PPP1R12C: variants seen among roughly 807,000 people sequenced by gnomAD.
PPP1R12C encodes protein phosphatase 1 regulatory subunit 12C.
PPP1R12C carries 48 observed loss-of-function variants against 95.6 expected under a neutral mutation model. That is an observed-to-expected ratio of 0.50 (90% CI 0.40 to 0.64). The LOEUF (loss-of-function observed/expected upper bound fraction) is 0.64, where lower values mean the gene tolerates loss of function less well. PPP1R12C is among the 30% of genes least tolerant of loss of function. The pLI is 0.00. For missense variants in PPP1R12C, 1,057 were observed against 1,083.3 expected, an observed-to-expected ratio of 0.98 and a Z score of 0.34; for synonymous variants, 480 against 460.8, an observed-to-expected ratio of 1.04 and a Z score of -0.53.
intron 1 of PPP1R12C, chr19:55,114,951 T>C (rs2085137936): frequency 6.6e-6 from 1 of 150,938 alleles, no homozygotes; most frequent in Admixed American, 6.6e-5. Context: ...GGAACCCCTG[T>C]AGGGAAGGGG....
chr19:55,099,202 C>T (rs1294798178), intron 4 of PPP1R12C, 107 bp from the exon 5 acceptor site: 10 of 1,294,324 alleles, frequency 7.7e-6, no homozygotes, highest in South Asian at 3.1e-5. Flanking sequence ...GAGACTGAAA[C>T]GTCCCTGGAC....
chr19:55,105,060 G>A (rs7253188), intron 3 of PPP1R12C, among the ~76,000 whole-genome samples: 22,394 of 147,504 alleles, frequency 0.15, 1,814 homozygotes, highest in East Asian at 0.28. Flanking sequence ...AGGAGCCACC[G>A]CATCTGACCC....
intron 3 of PPP1R12C, among the ~76,000 whole-genome samples, chr19:55,106,658 A>G (rs6509922): frequency 0.079 from 11,997 of 152,148 alleles, 1,530 homozygotes; most frequent in African/African-American, 0.27. Context: ...TCCCTTCTGC[A>G]CAGGACATGG....
intron 3 of PPP1R12C, among the ~76,000 whole-genome samples, chr19:55,110,819 C>T (rs1403888182): frequency 6.7e-6 from 1 of 148,960 alleles, no homozygotes; most frequent in Non-Finnish European, 1.5e-5. Flanking sequence ...TGCAGTGAGC[C>T]GAAATCATGC....
chr19:55,095,554 CCT>C lies in PPP1R12C; in HGVS notation c.1275_1276del (p.Gly426GlufsTer9). The C allele has an allele frequency of 2.5e-6, 4 of 1,593,426 alleles. No homozygotes were observed. Among genetic ancestry groups the C allele is most frequent in the Admixed American group, 1.8e-5 (1 of 56,352 alleles). ...AGGGGGACCCAGGGCACCAGAACTC[CCT>C]GTCTTCAGGAGGCCAAAGCGCCTGG... On this transcript the variant is annotated frameshift_variant, in exon 10 of 22. Coordinates refer to ENST00000263433, the MANE Select transcript of PPP1R12C (RefSeq NM_017607.4). LOFTEE classifies it high-confidence loss of function.
chr19:55,098,768 C>T lies in PPP1R12C; in HGVS notation c.951+16G>A, dbSNP rs764182800. ...CATGGGGAGTCTGGGGTAAGCCCCT[C>T]AGCCCTGACACTCACGTCCTCCTGT... On this transcript the variant is annotated intron_variant, in intron 6 of 21. Transcript: ENST00000263433. 1.9e-6 allele frequency: 3 copies of T among 1,613,326 alleles called. No homozygotes were observed. The highest frequency in any genetic ancestry group is 2.2e-5 in the South Asian group (2 of 91,080).
intron 3 of PPP1R12C, among the ~76,000 whole-genome samples, chr19:55,104,199 T>TATATAC (rs34075382): frequency 1.0e-3 from 120 of 120,038 alleles, no homozygotes; most frequent in East Asian, 2.5e-3. Flanking sequence ...TATATATATA[T>TATATAC]ACACACACAC....
At chr19:55,095,980 A>C (rs561080708) in intron 8 of PPP1R12C, 40 bp from the exon 9 acceptor site, 2 of 1,609,114 alleles carry the variant, frequency 1.2e-6, no homozygotes, top group Non-Finnish European at 1.7e-6. Flanking sequence ...AGAAGATGCC[A>C]GTTGCCTCTA....
Position 55,092,658 on chromosome 19 carries a change from TC to T in PPP1R12C, c.1915del (p.Glu639ArgfsTer63). 1.3e-6 allele frequency: 2 copies of T among 1,516,600 alleles called. No individual in the cohort carries two copies. Among genetic ancestry groups the T allele is most frequent in the Non-Finnish European group, 8.8e-7 (1 of 1,132,354 alleles). 93.9% of individuals were successfully genotyped at this position (1,516,600 alleles called of 1,614,324 possible). On this transcript the variant is annotated frameshift_variant, in exon 17 of 22. Transcript: ENST00000263433. LOFTEE classifies it high-confidence loss of function. The part of the protein sequence containing the change: ...GKEWRGPAEG[E>X]EAEPADRSQE... The stretch of plus-strand genomic sequence containing the variant: ...GCTGCGGTCAGCCGGCTCCGCCTCC[TC>T]CCCCTGTGGGCAGGTAGACGGGGGT...
chr19:55,101,064 C>T (rs1212893853), intron 4 of PPP1R12C, among the ~76,000 whole-genome samples: 1 of 152,024 alleles, frequency 6.6e-6, no homozygotes, highest in African/African-American at 2.4e-5. Flanking sequence ...GCCTGGCCAA[C>T]GTGGCAAAAC....
intron 1 of PPP1R12C, among the ~76,000 whole-genome samples, chr19:55,115,724 G>T (rs1338727611): frequency 6.6e-6 from 1 of 152,232 alleles, no homozygotes; most frequent in African/African-American, 2.4e-5. Context: ...GAAGGAGGAG[G>T]CCTAAGGATG....
chr19:55,094,940 G>A (rs1348635796), intron 11 of PPP1R12C, 142 bp from the exon 12 acceptor site: 23 of 1,000,438 alleles, frequency 2.3e-5, no homozygotes, highest in Non-Finnish European at 3.3e-5. Context: ...ACCCACAAAA[G>A]CCATGAAAAG....
chr19:55,109,099 A>G lies in PPP1R12C; in HGVS notation c.571+3368T>C, dbSNP rs954293463. Among the ~76,000 whole-genome samples, 1 of 152,150 alleles carries G rather than the reference A, an allele frequency of 6.6e-6. No homozygotes were observed. Among genetic ancestry groups the G allele is most frequent in the Non-Finnish European group, 1.5e-5 (1 of 68,030 alleles). ...TGTGAACGATGCTATGAACACGGGTATATAAATTGCCTTTTTTGTTTTGGT... is the reference window on the plus strand; with the variant it reads ...TGTGAACGATGCTATGAACACGGGTGTATAAATTGCCTTTTTTGTTTTGGT... On this transcript the variant is annotated intron_variant, in intron 3 of 21. Transcript: ENST00000263433. The surrounding 1 kb of genome is among the most constrained non-coding windows in gnomAD (Gnocchi z 4.4).
chr19:55,091,673 C>A lies in PPP1R12C; in HGVS notation c.2239G>T (p.Ala747Ser), dbSNP rs768010986. Residue 747 changes from alanine to serine, a missense_variant, in exon 21 of 22, where the codon GCA becomes TCA. This residue lies in a region of PPP1R12C where 347 missense variants were observed against 307.9 expected (regional missense o/e 1.13). Coordinates refer to ENST00000263433, the MANE Select transcript of PPP1R12C (RefSeq NM_017607.4). ...FERRALERKAAELEEELKALS... is the reference protein window; with the variant it reads ...FERRALERKASELEEELKALS... ...ACCTTCAGCTCCTCCTCCAGCTCTG[C>A]GGCCTTGCGTTCCAGGGCCCTGCGC... The A allele has an allele frequency of 6.2e-7, 1 of 1,612,864 alleles. No homozygotes were observed. Among genetic ancestry groups the A allele is most frequent in the Non-Finnish European group, 8.5e-7 (1 of 1,179,696 alleles).
Position 55,093,082 on chromosome 19 carries a change from G to C in PPP1R12C, c.1765-6C>G. 2.5e-6 allele frequency: 4 copies of C among 1,607,550 alleles called. No homozygotes were observed. The highest frequency in any genetic ancestry group is 3.4e-6 in the Non-Finnish European group (4 of 1,178,256). ...CGGGGCCTTCGGGAAGGGTCCTGTCGGGAGGGGGAGGCGAGTCAGGGAAGC... is the reference window on the plus strand; with the variant it reads ...CGGGGCCTTCGGGAAGGGTCCTGTCCGGAGGGGGAGGCGAGTCAGGGAAGC... On this transcript the variant is annotated splice_polypyrimidine_tract_variant and splice_region_variant and intron_variant, in intron 14 of 21. Transcript: ENST00000263433.
At chr19:55,091,817 C>G in intron 20 of PPP1R12C, 42 bp downstream of exon 20, 1 of 1,612,462 alleles carries the variant, frequency 6.2e-7, no homozygotes, top group Middle Eastern at 1.6e-4. Context: ...GGATGTGAGG[C>G]TGGGGACGCC....
chr19:55,092,431 T>G lies in PPP1R12C; in HGVS notation c.2055+11A>C. 6.2e-7 allele frequency: 1 copy of G among 1,600,706 alleles called. No individual in the cohort carries two copies. Reference sequence around the variant, plus strand: ...AGCAGGCAAAGCCCCGACGGAGGGGTGGGATCGCACCGTCCTAAAGCCTCC... The same window carrying G: ...AGCAGGCAAAGCCCCGACGGAGGGGGGGGATCGCACCGTCCTAAAGCCTCC... On this transcript the variant is annotated intron_variant, in intron 18 of 21. Transcript: ENST00000263433.
intron 3 of PPP1R12C, among the ~76,000 whole-genome samples, chr19:55,104,251 A>G (rs1055292245): frequency 3.4e-5 from 5 of 145,872 alleles, no homozygotes; most frequent in Admixed American, 2.1e-4. Flanking sequence ...TTATATATAT[A>G]ATATATATAT....
At chr19:55,091,627 C>T in intron 21 of PPP1R12C, 23 bp downstream of exon 21, 1 of 1,365,340 alleles carries the variant, frequency 7.3e-7, no homozygotes, top group Non-Finnish European at 1.0e-6. Flanking sequence ...CGGCCCTCTG[C>T]CCACAGCCCC....
Sources: gnomAD v4.1 joint callset for allele counts (sites outside exome capture counted in the v4.1 genomes callset) on GRCh38, gnomAD v4.1.1 for gene constraint, gnomAD v4.1.1 regional missense constraint, Gnocchi (gnomAD v3.1) non-coding constraint, MANE v1.5 for transcripts, NCBI Gene and HGNC (gene_info 2026-07-23, HGNC 2026-07-21) for gene names.